The following TJP1 variants were observed in gnomAD, a reference collection of about 807,000 sequenced individuals.
The protein encoded by TJP1 is tight junction protein 1, also known as tight junction protein ZO-1.
In TJP1, 43 loss-of-function variants were observed where a neutral mutation model predicts 194.2. The ratio of observed to expected loss-of-function variants is 0.22; its 90% confidence interval spans 0.17 to 0.29. TJP1 has a LOEUF of 0.29. TJP1 is among the 10% of genes least tolerant of loss of function. The probability of loss-of-function intolerance (pLI) is 1.00; values close to 1 mark genes in which losing one functional copy is unlikely to be tolerated. For synonymous variants in TJP1, 801 were observed against 779.0 expected, an observed-to-expected ratio of 1.03 and a Z score of -0.47; for missense variants, 1,971 against 2,185.7, an observed-to-expected ratio of 0.90 and a Z score of 1.96.
intron 2 of TJP1, among the ~76,000 whole-genome samples, chr15:29,928,197 T>A (rs564412247): frequency 3.9e-4 from 60 of 152,040 alleles, no homozygotes; most frequent in Non-Finnish European, 7.5e-4. Context: ...GAACTATGTT[T>A]ACTATATTCA....
intron 2 of TJP1, among the ~76,000 whole-genome samples, chr15:29,833,875 ATATATATTTTT>A (rs1313849192): frequency 2.4e-4 from 4 of 16,534 alleles, no homozygotes; most frequent in African/African-American, 7.6e-4. Flanking sequence ...ATATATATAT[ATATATATTTTT>A]TTTTTTTTTT....
intron 2 of TJP1, among the ~76,000 whole-genome samples, chr15:29,917,413 C>T (rs966846728): frequency 6.6e-6 from 1 of 152,242 alleles, no homozygotes; most frequent in Non-Finnish European, 1.5e-5. Flanking sequence ...ATTACCTCCT[C>T]TCCCTCCTGA....
chr15:29,886,135 T>A (rs1177512025), intron 2 of TJP1, among the ~76,000 whole-genome samples: 1 of 152,242 alleles, frequency 6.6e-6, no homozygotes. Flanking sequence ...AAAAATACTG[T>A]GTGCTCTAAA....
chr15:29,952,256 G>C (rs1476148099), intron 2 of TJP1, among the ~76,000 whole-genome samples: 1 of 152,230 alleles, frequency 6.6e-6, no homozygotes, highest in African/African-American at 2.4e-5. Flanking sequence ...CAGAATTGTT[G>C]AGTCCAGGCT....
chr15:29,821,890 C>A (rs1469100976), intron 1 of TJP1, 112 bp downstream of exon 1: 1 of 1,019,044 alleles, frequency 9.8e-7, no homozygotes, highest in Non-Finnish European at 1.2e-6. Flanking sequence ...CACCCCGCCG[C>A]CCCGGGGCCC....
chr15:29,907,841 T>A (rs1372735033), intron 2 of TJP1, among the ~76,000 whole-genome samples: 1 of 151,814 alleles, frequency 6.6e-6, no homozygotes, highest in Admixed American at 6.6e-5. Context: ...TATGCAGAGA[T>A]GTTGAACACC....
chr15:29,930,869 G>T (rs1376728122), intron 2 of TJP1, among the ~76,000 whole-genome samples: 1 of 152,144 alleles, frequency 6.6e-6, no homozygotes, highest in East Asian at 1.9e-4. Flanking sequence ...AAGGTTCCTG[G>T]TTATAACCTG....
At chr15:29,863,564 C>G (rs907033371) in intron 2 of TJP1, among the ~76,000 whole-genome samples, 2 of 152,104 alleles carry the variant, frequency 1.3e-5, no homozygotes, top group African/African-American at 2.4e-5. Flanking sequence ...ACAACACTCC[C>G]TCTTTAGGCT....
At chr15:29,917,443 T>C (rs372083334) in intron 2 of TJP1, among the ~76,000 whole-genome samples, 16 of 152,020 alleles carry the variant, frequency 1.1e-4, no homozygotes, top group African/African-American at 3.6e-4. Context: ...AAAAACAATA[T>C]ATAAGGCCAC....
intron 1 of TJP1, among the ~76,000 whole-genome samples, chr15:29,802,566 CTG>C (rs926845473): frequency 2.0e-5 from 3 of 147,200 alleles, no homozygotes; most frequent in Admixed American, 6.8e-5. Context: ...GGAAACAAAG[CTG>C]TTTTTTTTTT....
chr15:29,745,544 A>AT (rs2044715102), intron 8 of TJP1, among the ~76,000 whole-genome samples: 1 of 152,204 alleles, frequency 6.6e-6, no homozygotes, highest in Non-Finnish European at 1.5e-5. Context: ...ATCTGACAAG[A>AT]TTAAAAACTT....
At chr15:29,738,281 A>G (rs1224144012) in intron 10 of TJP1, among the ~76,000 whole-genome samples, 1 of 152,204 alleles carries the variant, frequency 6.6e-6, no homozygotes, top group Non-Finnish European at 1.5e-5. Flanking sequence ...TATTCTGACA[A>G]GAAGTGTAGA....
chr15:29,762,784 G>A (rs529869575), intron 5 of TJP1, among the ~76,000 whole-genome samples: 2 of 152,144 alleles, frequency 1.3e-5, no homozygotes, highest in Non-Finnish European at 2.9e-5. Context: ...TTTTCTTTAA[G>A]AGACAGGGTC....
intron 8 of TJP1, among the ~76,000 whole-genome samples, chr15:29,753,783 C>T (rs1381690445): frequency 6.7e-6 from 1 of 149,184 alleles, no homozygotes; most frequent in Non-Finnish European, 1.5e-5. Context: ...ATCTTTCTAA[C>T]TGGCACCCTT....
At chr15:29,733,388 G>A in intron 12 of TJP1, 75 bp from the exon 13 acceptor site, 2 of 997,548 alleles carry the variant, frequency 2.0e-6, no homozygotes, top group Non-Finnish European at 3.0e-6. Context: ...ATTATGTAAA[G>A]ATGCTATGAT....
rs1488983343 is a variant in TJP1, at chr15:29,719,769, ACAGGTACCTT to A, written c.3001_3003+7del. The A allele has an allele frequency of 6.2e-7, 1 of 1,610,714 alleles. No homozygotes were observed. On this transcript the variant is annotated splice_donor_variant and splice_donor_5th_base_variant and coding_sequence_variant and intron_variant, in exon 20 of 28. Coordinates refer to ENST00000614355, the MANE Select transcript of TJP1 (RefSeq NM_001330239.4). LOFTEE classifies it high-confidence loss of function. ...CAACAAATTAGTGCAACACCGCAGC[ACAGGTACCTT>A]TGTTGGATCTACATGCGACGACAAT...
intron 2 of TJP1, among the ~76,000 whole-genome samples, chr15:29,797,596 A>T (rs1195966369): frequency 6.6e-6 from 1 of 152,116 alleles, no homozygotes; most frequent in Non-Finnish European, 1.5e-5. Flanking sequence ...AAAAAAAAAA[A>T]AAAATCTCAA....
intron 22 of TJP1, among the ~76,000 whole-genome samples, chr15:29,717,162 T>C (rs1239399943): frequency 6.6e-6 from 1 of 152,156 alleles, no homozygotes; most frequent in Non-Finnish European, 1.5e-5. Flanking sequence ...GTGAACATCT[T>C]GAGAAGTACA....
At chr15:29,904,041 T>C (rs1437419550) in intron 2 of TJP1, among the ~76,000 whole-genome samples, 13 of 152,148 alleles carry the variant, frequency 8.5e-5, no homozygotes, top group Admixed American at 8.5e-4. Context: ...AAAATAAACT[T>C]ACTTCACCAG....
Sources: allele counts gnomAD v4.1 joint callset (sites outside exome capture counted in the v4.1 genomes callset), GRCh38; gene constraint gnomAD v4.1.1; transcripts MANE v1.5; gene names NCBI Gene and HGNC (gene_info 2026-07-23, HGNC 2026-07-21).